Variants in CDC14B observed in about 807,000 individuals in gnomAD.
CDC14B encodes dual specificity protein phosphatase CDC14B.
In CDC14B, 22 loss-of-function variants were observed where a neutral mutation model predicts 64.2. That is an observed-to-expected ratio of 0.34 (90% CI 0.24 to 0.49). The LOEUF (loss-of-function observed/expected upper bound fraction) is 0.49. Among genes scored for constraint, CDC14B ranks in the 20% least tolerant of loss-of-function variants. The pLI, the probability that CDC14B is intolerant of heterozygous loss-of-function variation, is 0.99. For synonymous variants in CDC14B, 191 were observed against 215.8 expected (o/e 0.89, Z 1.01); for missense variants, 498 against 629.9 (o/e 0.79, Z 2.24).
At chr9:96,537,711 T>C (rs1839480578) in intron 7 of CDC14B, among the ~76,000 whole-genome samples, 1 of 152,320 alleles carries the variant, frequency 6.6e-6, no homozygotes, top group Non-Finnish European at 1.5e-5. Context: ...TTTTAATTTA[T>C]GTAATCCAGT....
intron 12 of CDC14B, among the ~76,000 whole-genome samples, chr9:96,516,392 T>G (rs1034266848): frequency 1.8e-4 from 28 of 152,344 alleles, no homozygotes; most frequent in African/African-American, 6.5e-4. Flanking sequence ...GTATGCATAC[T>G]ATAGACTTTT....
At chr9:96,538,902 G>A (rs1839655981) in intron 7 of CDC14B, 176 bp downstream of exon 7, 1 of 559,540 alleles carries the variant, frequency 1.8e-6, no homozygotes, top group South Asian at 2.0e-5. Flanking sequence ...ACTAAATTAT[G>A]TGAGGTGATG....
intron 1 of CDC14B, among the ~76,000 whole-genome samples, chr9:96,576,483 T>C (rs1487450819): frequency 2.7e-5 from 4 of 150,672 alleles, no homozygotes; most frequent in East Asian, 3.9e-4. Flanking sequence ...ATACAAAAAT[T>C]AGCTGGCACG....
At chr9:96,543,355 T>C (rs1840359348) in intron 5 of CDC14B, among the ~76,000 whole-genome samples, 1 of 151,374 alleles carries the variant, frequency 6.6e-6, no homozygotes, top group Non-Finnish European at 1.5e-5. Flanking sequence ...AAAAAAAAAC[T>C]TCTAGCCTCA....
At chr9:96,565,350 T>C (rs772453375) in intron 2 of CDC14B, 43 bp downstream of exon 2, 1 of 1,267,746 alleles carries the variant, frequency 7.9e-7, no homozygotes, top group South Asian at 1.2e-5. Context: ...CTTTAGATTC[T>C]TCAAAAACAA....
At chr9:96,518,647 A>T (rs1339077784) in intron 12 of CDC14B, among the ~76,000 whole-genome samples, 1 of 152,200 alleles carries the variant, frequency 6.6e-6, no homozygotes, top group Non-Finnish European at 1.5e-5. Flanking sequence ...TCCCACAAAA[A>T]AAACAAGCTA....
At chr9:96,504,441 T>A (rs748522259) in intron 13 of CDC14B, among the ~76,000 whole-genome samples, 1 of 152,164 alleles carries the variant, frequency 6.6e-6, no homozygotes, top group Non-Finnish European at 1.5e-5. Context: ...ACTTCCAATC[T>A]GGAGGGCTCC....
intron 11 of CDC14B, 134 bp downstream of exon 11, chr9:96,523,127 G>T: frequency 2.1e-6 from 2 of 941,952 alleles, no homozygotes; most frequent in Non-Finnish European, 3.2e-6. Flanking sequence ...GCCTAGAGAG[G>T]GTTATAAATA....
intron 13 of CDC14B, among the ~76,000 whole-genome samples, chr9:96,504,177 G>A (rs1051644570): frequency 6.6e-6 from 1 of 151,980 alleles, no homozygotes; most frequent in Non-Finnish European, 1.5e-5. Context: ...TGGGAGGAGC[G>A]GGCAGAATGA....
chr9:96,499,643 G>A (rs1397468789), downstream of CDC14B, among the ~76,000 whole-genome samples: 1 of 152,224 alleles, frequency 6.6e-6, no homozygotes, highest in African/African-American at 2.4e-5. Context: ...CCCTACAGAA[G>A]GGGGCTGGAC....
intron 6 of CDC14B, among the ~76,000 whole-genome samples, 175 bp from the exon 7 acceptor site, chr9:96,539,315 T>G (rs1341903461): frequency 1.3e-5 from 2 of 152,240 alleles, no homozygotes; most frequent in Non-Finnish European, 2.9e-5. Context: ...GTGCTTCTTT[T>G]ATATGGAAAT....
chr9:96,610,445 G>A (rs775574712), intron 1 of CDC14B, among the ~76,000 whole-genome samples: 51 of 152,044 alleles, frequency 3.4e-4, no homozygotes, highest in Non-Finnish European at 6.3e-4. Flanking sequence ...TGATCCACCC[G>A]CCTCGGCCTC....
rs62558793 is a variant in CDC14B, at chr9:96,583,812, G to A, written c.161-18329C>T. Among the ~76,000 whole-genome samples, 1,119 of 152,160 alleles carry A rather than the reference G, an allele frequency of 7.4e-3. 7 individuals are homozygous for A. The highest frequency in any genetic ancestry group is 0.012 in the Non-Finnish European group (787 of 68,006). ...AGGCTCCCTGCAAGCTCCGCCTCCC[G>A]GGTTCACACCATTCTCCTGCCTCAG... On this transcript the variant is annotated intron_variant, in intron 1 of 13. Transcript: ENST00000375241.
chr9:96,571,163 T>C (rs1018230044), intron 1 of CDC14B, among the ~76,000 whole-genome samples: 1 of 151,562 alleles, frequency 6.6e-6, no homozygotes, highest in African/African-American at 2.4e-5. Flanking sequence ...AACTATAAAA[T>C]TATAACGAAA....
intron 1 of CDC14B, among the ~76,000 whole-genome samples, chr9:96,612,508 G>C (rs754449301): frequency 5.9e-5 from 9 of 152,182 alleles, no homozygotes; most frequent in Non-Finnish European, 8.8e-5. Flanking sequence ...GGCTCCAAAA[G>C]GTTACTAATA....
chr9:96,573,962 G>A (rs761815332), intron 1 of CDC14B, among the ~76,000 whole-genome samples: 2 of 152,012 alleles, frequency 1.3e-5, no homozygotes, highest in Non-Finnish European at 2.9e-5. Flanking sequence ...CCTGGCTAAC[G>A]TGGTGAAACC....
intron 1 of CDC14B, among the ~76,000 whole-genome samples, chr9:96,574,052 C>G (rs1047392934): frequency 1.3e-5 from 2 of 151,514 alleles, no homozygotes; most frequent in Non-Finnish European, 2.9e-5. Context: ...GAGGCTGAGG[C>G]AGGAAAATGG....
Position 96,578,882 on chromosome 9 carries a change from G to T in CDC14B, c.161-13399C>A, listed in dbSNP as rs572852714. Among the ~76,000 whole-genome samples the T allele has an allele frequency of 3.3e-5, 5 of 152,262 alleles. No homozygotes were observed. In the South Asian group the frequency reaches 1.0e-3, roughly 32 times the overall value. ...TGCCCAGGCTGGAGTGCAATGCCGC[G>T]ATCTCGGCTCACTGCAACCTCTGCC... On this transcript the variant is annotated intron_variant, in intron 1 of 13. Transcript: ENST00000375241.
intron 9 of CDC14B, among the ~76,000 whole-genome samples, chr9:96,529,419 T>C (rs1838078811): frequency 6.6e-6 from 1 of 152,026 alleles, no homozygotes; most frequent in African/African-American, 2.4e-5. Flanking sequence ...CTCTCTATCC[T>C]ATCACTGGTC....
Sources: gnomAD v4.1 joint callset for allele counts (sites outside exome capture counted in the v4.1 genomes callset) on GRCh38, gnomAD v4.1.1 for gene constraint, MANE v1.5 for transcripts, NCBI Gene and HGNC (gene_info 2026-07-23, HGNC 2026-07-21) for gene names.